The following CCDC39 variants were observed in gnomAD, a reference collection of about 807,000 sequenced individuals.
CCDC39 encodes coiled-coil domain 39 molecular ruler complex subunit.
A neutral mutation model predicts 121.0 loss-of-function variants in CCDC39; 113 were observed. That is an observed-to-expected ratio of 0.93 (90% CI 0.80 to 1.09). The LOEUF (loss-of-function observed/expected upper bound fraction) is 1.09. Ranked by LOEUF, CCDC39 falls within the 50% of genes least tolerant of loss-of-function variation. CCDC39 has a pLI of 0.00. For synonymous variants in CCDC39, 349 were observed against 352.2 expected, an observed-to-expected ratio of 0.99 and a Z score of 0.10; for missense variants, 1,063 against 1,074.7, an observed-to-expected ratio of 0.99 and a Z score of 0.15.
At chr3:180,654,624 T>TAAAA in intron 7 of CCDC39, 138 bp downstream of exon 7, 1 of 317,104 alleles carries the variant, frequency 3.2e-6, no homozygotes. Flanking sequence ...AAAGAGACAT[T>TAAAA]AAAAAAAAAA....
chr3:180,636,081 C>T (rs1717819032), intron 13 of CCDC39, among the ~76,000 whole-genome samples: 1 of 152,128 alleles, frequency 6.6e-6, no homozygotes, highest in African/African-American at 2.4e-5. Context: ...TCTTAGTCAA[C>T]ATAGTATTGG....
intron 1 of CCDC39, among the ~76,000 whole-genome samples, chr3:180,678,172 G>A (rs1021707743): frequency 7.2e-5 from 11 of 152,156 alleles, no homozygotes; most frequent in African/African-American, 2.7e-4. Context: ...TGGTAAGTAG[G>A]ATCTGAACCC....
In CCDC39 at chr3:180,654,780, TCTA is replaced by T; in HGVS notation, c.909_911del (p.Ser303del). 1 of 1,607,530 alleles carries T rather than the reference TCTA, an allele frequency of 6.2e-7. No homozygotes were observed. Among genetic ancestry groups the T allele is most frequent in the Non-Finnish European group, 8.5e-7 (1 of 1,176,972 alleles). On this transcript the variant is annotated inframe_deletion, in exon 7 of 20. Transcript: ENST00000476379. Reference sequence around the variant, plus strand: ...GACATACCTCACCCTTCAGCTGAATTCTACTAGTTTCATGGTCCTGATATGCCG... The same window carrying T: ...GACATACCTCACCCTTCAGCTGAATTCTAGTTTCATGGTCCTGATATGCCG...
Position 180,619,293 on chromosome 3 carries a change from T to A in CCDC39, c.2231A>T (p.Gln744Leu), listed in dbSNP as rs1717357267. The A allele has an allele frequency of 6.5e-7, 1 of 1,546,396 alleles. No homozygotes were observed. Among genetic ancestry groups the A allele is most frequent in the African/African-American group, 1.4e-5 (1 of 73,040 alleles). Residue 744 changes from glutamine to leucine, a missense_variant, in exon 16 of 20, where the codon CAA becomes CTA. Transcript: ENST00000476379. ...TTCTTGAAGTTCTCTGATTTGTCTT[T>A]GTTTGTATCTGTATTTTTCATCAAC... ...RAVDEKYRYKQRQIRELQEDI... is the reference protein window; with the variant it reads ...RAVDEKYRYKLRQIRELQEDI...
At chr3:180,656,306 T>C (rs1711574313) in intron 6 of CCDC39, among the ~76,000 whole-genome samples, 1 of 152,228 alleles carries the variant, frequency 6.6e-6, no homozygotes, top group Non-Finnish European at 1.5e-5. Flanking sequence ...AATTTTCATA[T>C]AGGTAATACT....
rs13434282 is a variant in CCDC39 at position 180,649,957 on chromosome 3, G to A, written c.1167+1444C>T. 0.14 allele frequency among the ~76,000 whole-genome samples: 20,829 copies of A among 152,136 alleles called. 3,163 individuals carry two copies. The highest frequency in any genetic ancestry group is 0.38 in the African/African-American group (15,767 of 41,454). ...TTTGAATATCATTCATGTCAAGATTGCAGCATGATTTTATGACTTAGAAAT... is the reference window on the plus strand; with the variant it reads ...TTTGAATATCATTCATGTCAAGATTACAGCATGATTTTATGACTTAGAAAT... On this transcript the variant is annotated intron_variant, in intron 9 of 19. Coordinates refer to ENST00000476379, the MANE Select transcript of CCDC39 (RefSeq NM_181426.2).
At chr3:180,626,891 G>A (rs62292365) in intron 14 of CCDC39, among the ~76,000 whole-genome samples, 30,482 of 152,108 alleles carry the variant, frequency 0.2, 3,237 homozygotes, top group Non-Finnish European at 0.21. Context: ...ACAGCCCAGC[G>A]TTAAATTCTC....
chr3:180,619,736 ATG>A (rs1717378957), intron 15 of CCDC39, 73 bp downstream of exon 15: 3 of 882,146 alleles, frequency 3.4e-6, no homozygotes, highest in Non-Finnish European at 4.9e-6. Flanking sequence ...GTTCTTCCTC[ATG>A]TCTCACAGTG....
intron 16 of CCDC39, among the ~76,000 whole-genome samples, chr3:180,618,167 C>T (rs925310918): frequency 5.8e-4 from 89 of 152,254 alleles, no homozygotes; most frequent in African/African-American, 2.0e-3. Flanking sequence ...TTATGATGTT[C>T]ACACAGTGAC....
intron 14 of CCDC39, among the ~76,000 whole-genome samples, chr3:180,620,545 G>T (rs1294145498): frequency 6.6e-6 from 1 of 152,056 alleles, no homozygotes; most frequent in Admixed American, 6.6e-5. Context: ...CCAGGGTAAT[G>T]CTGTCACTGG....
intron 15 of CCDC39, 35 bp from the exon 16 acceptor site, chr3:180,619,400 A>G (rs138212938): frequency 2.0e-6 from 2 of 997,600 alleles, no homozygotes; most frequent in Non-Finnish European, 3.0e-6. Flanking sequence ...TAAAATTTCA[A>G]CATACTAAGT....
At position 180,679,467 on chromosome 3, in the gene CCDC39, T is replaced by C. The variant is rs1189960383; in HGVS notation, c.-87A>G. Reference sequence around the variant, plus strand: ...AGCACCCGCGTCAAGCCCAGGCACCTGCACAGTGCCGCGGCAATTGCCGGG... The same window carrying C: ...AGCACCCGCGTCAAGCCCAGGCACCCGCACAGTGCCGCGGCAATTGCCGGG... On this transcript the variant is annotated 5_prime_UTR_variant, in exon 1 of 20. Transcript: ENST00000476379. The surrounding 1 kb of genome is among the most constrained non-coding windows in gnomAD (Gnocchi z 4.0). The C allele has an allele frequency of 2.4e-6, 3 of 1,243,174 alleles. No individual in the cohort carries two copies. Among genetic ancestry groups the C allele is most frequent in the Non-Finnish European group, 3.6e-6 (3 of 842,798 alleles). 77.0% of individuals were successfully genotyped at this position (1,243,174 alleles called of 1,614,324 possible). A position where few individuals can be genotyped will look rare whatever the true frequency, so the allele number is the denominator to read the frequency against.
intron 1 of CCDC39, among the ~76,000 whole-genome samples, chr3:180,665,057 C>G (rs1334605554): frequency 6.6e-6 from 1 of 151,984 alleles, no homozygotes; most frequent in Non-Finnish European, 1.5e-5. Flanking sequence ...CAAGATGTAA[C>G]AAAAACAGAG....
intron 19 of CCDC39, 105 bp downstream of exon 19, chr3:180,616,176 G>A (rs1717229832): frequency 1.2e-6 from 1 of 860,306 alleles, no homozygotes; most frequent in Non-Finnish European, 1.9e-6. Flanking sequence ...CACTGGCAGT[G>A]AGTGCATGGG....
At chr3:180,624,246 T>TG (rs1483283635) in intron 14 of CCDC39, among the ~76,000 whole-genome samples, 7 of 152,298 alleles carry the variant, frequency 4.6e-5, no homozygotes, top group African/African-American at 1.7e-4. Context: ...TACTCCTACT[T>TG]GCTTTTGGTT....
At chr3:180,633,463 A>G (rs1436354281) in intron 13 of CCDC39, among the ~76,000 whole-genome samples, 2 of 152,196 alleles carry the variant, frequency 1.3e-5, no homozygotes, top group Admixed American at 6.5e-5. Flanking sequence ...TAATGAAAGA[A>G]TAACAGTGCT....
intron 1 of CCDC39, among the ~76,000 whole-genome samples, chr3:180,676,277 A>T (rs1262860025): frequency 6.7e-4 from 101 of 150,904 alleles, no homozygotes; most frequent in African/African-American, 2.4e-3. Context: ...GAATCTACAA[A>T]GAACTCAAAC....
At chr3:180,633,860 C>T (rs369919657) in intron 13 of CCDC39, among the ~76,000 whole-genome samples, 2 of 152,292 alleles carry the variant, frequency 1.3e-5, no homozygotes, top group African/African-American at 2.4e-5. Flanking sequence ...GGCCCCAGCC[C>T]GTGACCACAG....
At chr3:180,663,172 C>A (rs76392337) in intron 2 of CCDC39, among the ~76,000 whole-genome samples, 2,561 of 152,172 alleles carry the variant, frequency 0.017, 27 homozygotes, top group African/African-American at 0.029. Flanking sequence ...AATTTCAATT[C>A]TTGAACAATG....
Sources: gnomAD v4.1 joint callset for allele counts (sites outside exome capture counted in the v4.1 genomes callset) on GRCh38, gnomAD v4.1.1 for gene constraint, Gnocchi (gnomAD v3.1) non-coding constraint, MANE v1.5 for transcripts, NCBI Gene and HGNC (gene_info 2026-07-23, HGNC 2026-07-21) for gene names.